The following DEPDC1 variants were observed in gnomAD, a reference collection of about 807,000 sequenced individuals.
The protein encoded by DEPDC1 is DEP domain-containing protein 1A.
DEPDC1 carries 66 observed loss-of-function variants against 86.8 expected under a neutral mutation model. The observed-to-expected ratio is 0.76, with a 90% CI of 0.62 to 0.93. The LOEUF (loss-of-function observed/expected upper bound fraction) is 0.93, where lower values mean the gene tolerates loss of function less well. Among genes scored for constraint, DEPDC1 ranks in the 40% least tolerant of loss-of-function variants. The probability of loss-of-function intolerance (pLI) is 0.00; values close to 1 mark genes in which losing one functional copy is unlikely to be tolerated. For missense variants in DEPDC1, 792 were observed against 935.7 expected (o/e 0.85, Z 2.00); for synonymous variants, 255 against 314.9 (o/e 0.81, Z 2.02).
chr1:68,486,597 T>C (rs1484027360), intron 6 of DEPDC1, among the ~76,000 whole-genome samples: 2 of 151,906 alleles, frequency 1.3e-5, no homozygotes, highest in African/African-American at 4.8e-5. Context: ...ACCAAGGAGT[T>C]CAAGCCATTT....
intron 1 of DEPDC1, 70 bp from the exon 2 acceptor site, chr1:68,494,765 T>C: frequency 1.6e-6 from 2 of 1,243,762 alleles, no homozygotes; most frequent in Non-Finnish European, 2.2e-6. Flanking sequence ...TTGAAGTACA[T>C]TAGGTAAAGA....
intron 2 of DEPDC1, among the ~76,000 whole-genome samples, chr1:68,489,833 T>A (rs1646217619): frequency 6.6e-6 from 1 of 152,058 alleles, no homozygotes; most frequent in Admixed American, 6.6e-5. Flanking sequence ...AATTCAGGGT[T>A]ATTATTAGGG....
chr1:68,483,951 C>A lies in DEPDC1; in HGVS notation c.909G>T (p.Leu303Phe). The A allele has an allele frequency of 6.7e-7, 1 of 1,495,058 alleles. No homozygotes were observed. The highest frequency in any genetic ancestry group is 1.4e-5 in the African/African-American group (1 of 69,936). The allele number at this position is 1,495,058 out of a possible 1,614,324, so 92.6% of individuals were successfully genotyped here. ...FEYYELFVNI[L>F]VVCGYITVSD... The stretch of plus-strand genomic sequence containing the variant: ...AAAATCAGTAAAATCTATACATACC[C>A]AAAATGTTTACAAATAATTCGTAAT... Residue 303 changes from leucine (L) to phenylalanine (F), a missense_variant and splice_region_variant, in exon 7 of 12, where the codon TTG becomes TTT. By Grantham distance (22) the Leu-to-Phe change is conservative. Transcript: ENST00000456315.
intron 4 of DEPDC1, 21 bp downstream of exon 4, chr1:68,488,895 T>TA (rs1333967619): frequency 7.1e-7 from 1 of 1,408,768 alleles, no homozygotes; most frequent in East Asian, 2.3e-5. Context: ...GGAACTTCAT[T>TA]AAAGCTTAAT....
In DEPDC1 at chr1:68,494,431, T is replaced by C; in HGVS notation, c.313A>G (p.Arg105Gly). 5 of 1,612,632 alleles carry C rather than the reference T, an allele frequency of 3.1e-6. No homozygotes were observed. The highest frequency in any genetic ancestry group is 4.2e-6 in the Non-Finnish European group (5 of 1,178,996). The change falls in exon 2 of 12, where the codon AGA (arginine) becomes GGA (glycine). Residue 105 changes from arginine (R) to glycine (G), a missense_variant and splice_region_variant. Physicochemically the swap from Arg to Gly is moderately radical, Grantham distance 125 (BLOSUM62 -2). Transcript: ENST00000456315. ...TACAGTTACATATCTGTTCATTACC[T>C]GAAGAGCTGGTTGTTATCATCAACA... ...ENVDDNNQLF[R>G]FPATSPLKTL...
chr1:68,495,373 T>G (rs1324496766), intron 1 of DEPDC1, among the ~76,000 whole-genome samples: 2 of 152,232 alleles, frequency 1.3e-5, no homozygotes, highest in Non-Finnish European at 2.9e-5. Context: ...TTGGTAGCAC[T>G]GTGCTTCACA....
chr1:68,496,852 C>T lies in DEPDC1; in HGVS notation c.48+100G>A. Reference sequence around the variant, plus strand: ...AACCTAGGGATCCTGGGACTCATCCCTCCGACCGAGGTAAAACTGCGAACG... The same window carrying T: ...AACCTAGGGATCCTGGGACTCATCCTTCCGACCGAGGTAAAACTGCGAACG... On this transcript the variant is annotated intron_variant, in intron 1 of 11. Transcript: ENST00000456315. The surrounding 1 kb of genome is among the most constrained non-coding windows in gnomAD (Gnocchi z 4.0). The T allele has an allele frequency of 8.2e-7, 1 of 1,212,410 alleles. No homozygotes were observed. The highest frequency in any genetic ancestry group is 1.2e-6 in the Non-Finnish European group (1 of 839,642). 75.1% of individuals were successfully genotyped at this position (1,212,410 alleles called of 1,614,324 possible).
At chr1:68,483,428 G>A (rs761088231) in intron 7 of DEPDC1, 1 of 449,388 alleles carries the variant, frequency 2.2e-6, no homozygotes, top group Non-Finnish European at 4.3e-6. Flanking sequence ...CCTTGTGGGA[G>A]GAGAAAGGGG....
intron 2 of DEPDC1, among the ~76,000 whole-genome samples, chr1:68,490,270 C>T (rs1392118122): frequency 6.6e-6 from 1 of 152,146 alleles, no homozygotes; most frequent in East Asian, 1.9e-4. Context: ...TCCCTCCTCA[C>T]ACCTTCCATT....
chr1:68,480,153 T>C (rs1646145188), intron 9 of DEPDC1, among the ~76,000 whole-genome samples: 1 of 151,964 alleles, frequency 6.6e-6, no homozygotes, highest in South Asian at 2.1e-4. Context: ...CATTTTTCAA[T>C]TCCATCTTAT....
chr1:68,481,670 A>G (rs1646156906), intron 8 of DEPDC1, 58 bp from the exon 9 acceptor site: 3 of 1,325,358 alleles, frequency 2.3e-6, no homozygotes, highest in Non-Finnish European at 3.1e-6. Flanking sequence ...CTTTCATACT[A>G]CCAGTATATA....
intron 6 of DEPDC1, among the ~76,000 whole-genome samples, chr1:68,485,721 C>G (rs1489838620): frequency 6.6e-6 from 1 of 151,872 alleles, no homozygotes; most frequent in Non-Finnish European, 1.5e-5. Flanking sequence ...AAGACAAATT[C>G]AAGTCTTAAG....
rs564644392 is a variant in DEPDC1 at position 68,489,571 on chromosome 1, T to G, written c.352A>C (p.Arg118=). ...TTGTTTTTTCTCAATTCTGGATACC[T>G]TCGTGGTAGAGTTTTAAGTGGCGAA... The part of the protein sequence containing the change: ...ATSPLKTLPR[R]YPELRKNNIE... The change falls in exon 3 of 12, where the codon AGG becomes CGG. Residue 118 remains arginine (R), a synonymous_variant. Transcript: ENST00000456315. The G allele has an allele frequency of 6.5e-7, 1 of 1,542,400 alleles. No homozygotes were observed. Among genetic ancestry groups the G allele is most frequent in the Non-Finnish European group, 8.7e-7 (1 of 1,155,298 alleles).
At chr1:68,493,489 T>C (rs1646242531) in intron 2 of DEPDC1, among the ~76,000 whole-genome samples, 2 of 152,112 alleles carry the variant, frequency 1.3e-5, no homozygotes, top group Admixed American at 6.5e-5. Flanking sequence ...TTTACTAGCC[T>C]GACAAATGTG....
intron 2 of DEPDC1, among the ~76,000 whole-genome samples, chr1:68,493,339 A>G (rs1646241736): frequency 6.6e-6 from 1 of 152,244 alleles, no homozygotes; most frequent in Admixed American, 6.5e-5. Flanking sequence ...TGGGCATTAG[A>G]TTCCACAGGC....
At chr1:68,480,315 T>G (rs1031241330) in intron 9 of DEPDC1, among the ~76,000 whole-genome samples, 2 of 151,524 alleles carry the variant, frequency 1.3e-5, no homozygotes, top group African/African-American at 4.8e-5. Context: ...AAATCAGAAT[T>G]GTTTTAAATA....
Position 68,486,937 on chromosome 1 carries a change from A to G in DEPDC1, c.769T>C (p.Trp257Arg). 6.3e-7 allele frequency: 1 copy of G among 1,595,894 alleles called. No individual in the cohort carries two copies. The highest frequency in any genetic ancestry group is 2.3e-5 in the East Asian group (1 of 43,962). The change falls in exon 6 of 12, where the codon TGG becomes CGG. Residue 257 changes from tryptophan to arginine, a missense_variant and splice_region_variant. Transcript: ENST00000456315. ...ACACACACACATATATTTAACTTAC[A>G]ATTTGCTAGGCACTTCATGGCAGAT... ...VLSAMKCLAN[W>R]PRSNDMNNPT... is the part of the protein sequence containing the mutation.
intron 9 of DEPDC1, among the ~76,000 whole-genome samples, chr1:68,480,257 CACACACACACACACA>C (rs1646146405): frequency 1.7e-5 from 1 of 60,008 alleles, no homozygotes; most frequent in Non-Finnish European, 4.4e-5. Context: ...CTGTACCACA[CACACACACACACACA>C]CACACACACA....
At position 68,482,368 on chromosome 1, in the gene DEPDC1, A is replaced by G; in HGVS notation, c.1440T>C (p.Ser480=). Residue 480 remains serine, a synonymous_variant, in exon 8 of 12, where the codon AGT becomes AGC. Coordinates refer to ENST00000456315, the MANE Select transcript of DEPDC1 (RefSeq NM_001114120.3). The part of the protein sequence containing the change: ...HSEENIQKPF[S]AGFKRTSTLT... The stretch of plus-strand genomic sequence containing the variant: ...AAGTAGAGGTTCTCTTAAAACCAGC[A>G]CTGAATGGCTTTTGAATATTTTCCT... The G allele has an allele frequency of 6.2e-7, 1 of 1,612,870 alleles. No individual in the cohort carries two copies. The highest frequency in any genetic ancestry group is 8.5e-7 in the Non-Finnish European group (1 of 1,179,280).
Sources: gnomAD v4.1 joint callset for allele counts (sites outside exome capture counted in the v4.1 genomes callset) on GRCh38, gnomAD v4.1.1 for gene constraint, Gnocchi (gnomAD v3.1) non-coding constraint, MANE v1.5 for transcripts, NCBI Gene and HGNC (gene_info 2026-07-23, HGNC 2026-07-21) for gene names.